Variants in RCOR3 observed in about 807,000 individuals in gnomAD.
RCOR3 encodes the protein REST corepressor 3.
Under a neutral mutation model 64.1 loss-of-function variants are expected in RCOR3, and 13 were observed. The ratio of observed to expected loss-of-function variants is 0.20; its 90% CI spans 0.13 to 0.32. The LOEUF is 0.32. RCOR3 is among the 10% of genes least tolerant of loss of function. RCOR3 has a pLI of 1.00. For synonymous variants in RCOR3, 215 were observed against 239.0 expected, an observed-to-expected ratio of 0.90 and a Z score of 0.93; for missense variants, 489 against 701.2, an observed-to-expected ratio of 0.70 and a Z score of 3.42.
At chr1:211,268,504 T>C (rs1695610531) in intron 2 of RCOR3, among the ~76,000 whole-genome samples, 1 of 151,492 alleles carries the variant, frequency 6.6e-6, no homozygotes, top group Non-Finnish European at 1.5e-5. Context: ...CTCAGCCTCT[T>C]GAGTAGCTGG....
chr1:211,312,729 A>G lies in RCOR3; in HGVS notation c.1085A>G (p.Lys362Arg), dbSNP rs1219206720. ...EQLLAVQGVR[K>R]YGKDFQAIAD... ...TTACTTTGCCTTCCAGGTGTCCGCA[A>G]ATATGGTAAAGATTTTCAAGCTATT... The change falls in exon 11 of 12, where the codon AAA becomes AGA. Residue 362 changes from lysine to arginine, a missense_variant. Lys to Arg is a conservative substitution (Grantham distance 26, BLOSUM62 2). Coordinates refer to ENST00000419091, the MANE Select transcript of RCOR3 (RefSeq NM_001136223.3). This position sits in a 1 kb window ranked among gnomAD's most constrained non-coding sequence, Gnocchi z 5.0. The G allele has an allele frequency of 1.2e-6, 2 of 1,613,892 alleles. No homozygotes were observed. The highest frequency in any genetic ancestry group is 1.7e-6 in the Non-Finnish European group (2 of 1,179,922).
chr1:211,289,775 T>TTCATCA (rs138528802), intron 8 of RCOR3, among the ~76,000 whole-genome samples: 1 of 151,958 alleles, frequency 6.6e-6, no homozygotes, highest in African/African-American at 2.4e-5. Context: ...GGTTGTTGTC[T>TTCATCA]TCATCATCAT....
At chr1:211,308,012 A>G (rs966844192) in intron 10 of RCOR3, among the ~76,000 whole-genome samples, 3 of 149,054 alleles carry the variant, frequency 2.0e-5, no homozygotes, top group African/African-American at 7.3e-5. Context: ...TTGTACTAAC[A>G]AAAAGATAGA....
intron 5 of RCOR3, among the ~76,000 whole-genome samples, 167 bp from the exon 6 acceptor site, chr1:211,277,950 A>G (rs903891699): frequency 1.3e-5 from 2 of 152,188 alleles, no homozygotes; most frequent in African/African-American, 2.4e-5. Context: ...TGTCAGTGAA[A>G]TTGATATGGG....
At position 211,262,920 on chromosome 1, in the gene RCOR3, G is replaced by T. The variant is rs372788910; in HGVS notation, c.223+2756G>T. On this transcript the variant is annotated intron_variant, in intron 2 of 11. Coordinates refer to ENST00000419091, the MANE Select transcript of RCOR3 (RefSeq NM_001136223.3). ...AAGTTTTAGGGTATATGTGCACAAT[G>T]TGCAGGTTAGTTACATATGTATACA... Among the ~76,000 whole-genome samples, 10 of 145,142 alleles carry T rather than the reference G, an allele frequency of 6.9e-5. No individual in the cohort carries two copies. The East Asian group carries it at 1.0e-3, about 15-fold the overall frequency.
chr1:211,313,658 A>T lies in RCOR3; in HGVS notation c.1552A>T (p.Asn518Tyr). The T allele has an allele frequency of 6.2e-7, 1 of 1,614,186 alleles. No individual in the cohort carries two copies. Among genetic ancestry groups the T allele is most frequent in the Middle Eastern group, 1.6e-4 (1 of 6,062 alleles). Residue 518 changes from asparagine (N) to tyrosine (Y), a missense_variant, in exon 12 of 12, where the codon AAT becomes TAT. Asn to Tyr is a moderately radical substitution (Grantham distance 143, BLOSUM62 -2). Around this residue, in one of 2 missense-constraint regions of RCOR3, gnomAD observed 402 missense variants for 617.0 expected, o/e 0.65. Coordinates refer to ENST00000419091, the MANE Select transcript of RCOR3 (RefSeq NM_001136223.3). This position sits in a 1 kb window ranked among gnomAD's most constrained non-coding sequence, Gnocchi z 4.7. ...TCCACCACCTCTTATTCGCCCTGCT[A>T]ATTCCATGCCACCCCGTCTAAACCC... ...QPPPPLIRPA[N>Y]SMPPRLNPRP... is the part of the protein sequence containing the mutation.
chr1:211,262,797 T>C (rs986107411), intron 2 of RCOR3, among the ~76,000 whole-genome samples: 9 of 151,028 alleles, frequency 6.0e-5, no homozygotes, highest in African/African-American at 1.7e-4. Context: ...CAGAATAATA[T>C]TAATGTGATT....
chr1:211,293,821 TA>T (rs1160906567), intron 8 of RCOR3, among the ~76,000 whole-genome samples: 1 of 152,204 alleles, frequency 6.6e-6, no homozygotes, highest in African/African-American at 2.4e-5. Context: ...AAATAGTTCA[TA>T]AATTATAAGT....
At chr1:211,269,969 A>G (rs1695881774) in intron 2 of RCOR3, among the ~76,000 whole-genome samples, 1 of 152,196 alleles carries the variant, frequency 6.6e-6, no homozygotes. Flanking sequence ...ATGTTTAAAA[A>G]GAAAGAAAGA....
chr1:211,263,840 A>G (rs966933057), intron 2 of RCOR3, among the ~76,000 whole-genome samples: 6 of 150,926 alleles, frequency 4.0e-5, no homozygotes, highest in African/African-American at 1.5e-4. Context: ...TGTTTTTTTT[A>G]GGCAGAGTCT....
At chr1:211,283,845 G>A (rs1444597609) in intron 7 of RCOR3, among the ~76,000 whole-genome samples, 3 of 148,760 alleles carry the variant, frequency 2.0e-5, no homozygotes, top group East Asian at 2.0e-4. Context: ...TTTCCACTGC[G>A]TATTTGTCTT....
Position 211,292,769 on chromosome 1 carries a change from A to G in RCOR3, c.940-2907A>G, listed in dbSNP as rs564517640. On this transcript the variant is annotated intron_variant, in intron 8 of 11. Transcript: ENST00000419091. The stretch of plus-strand genomic sequence containing the variant: ...TGACCAGTTAGCCTCAATTCCCCCT[A>G]ATTCTCCACAATCAGGTATTTACAA... Among the ~76,000 whole-genome samples, 6 of 152,074 alleles carry G rather than the reference A, an allele frequency of 3.9e-5. No individual in the cohort carries two copies. In the East Asian group the frequency reaches 1.2e-3, roughly 29 times the overall value.
At chr1:211,279,741 C>T (rs1697508936) in intron 7 of RCOR3, among the ~76,000 whole-genome samples, 1 of 152,130 alleles carries the variant, frequency 6.6e-6, no homozygotes, top group Non-Finnish European at 1.5e-5. Flanking sequence ...ATTTTCTCCC[C>T]CAAGTCTGCC....
chr1:211,260,985 T>A (rs1694160891), intron 2 of RCOR3: 1 of 152,242 alleles, frequency 6.6e-6, no homozygotes. Flanking sequence ...GAGTTCCGCA[T>A]ATGGAGGCGC....
intron 7 of RCOR3, among the ~76,000 whole-genome samples, chr1:211,282,091 G>A (rs1697890470): frequency 6.6e-6 from 1 of 152,108 alleles, no homozygotes; most frequent in Non-Finnish European, 1.5e-5. Context: ...GTATATATAT[G>A]GAATATATAG....
chr1:211,308,687 T>TTTTTTTTTTTTTTTTTG (rs1701159946), intron 10 of RCOR3, among the ~76,000 whole-genome samples: 1 of 64,802 alleles, frequency 1.5e-5, no homozygotes, highest in African/African-American at 5.1e-5. Flanking sequence ...TTTTTTTGTT[T>TTTTTTTTTTTTTTTTTG]TTTTTTTTTT....
At chr1:211,262,386 T>C (rs1301658569) in intron 2 of RCOR3, among the ~76,000 whole-genome samples, 1 of 152,194 alleles carries the variant, frequency 6.6e-6, no homozygotes, top group Non-Finnish European at 1.5e-5. Context: ...CATATGGCAA[T>C]TATTCTATAA....
intron 2 of RCOR3, among the ~76,000 whole-genome samples, chr1:211,261,785 G>T (rs1485260604): frequency 2.6e-5 from 4 of 151,586 alleles, no homozygotes; most frequent in Non-Finnish European, 4.4e-5. Context: ...GCCGATCGTG[G>T]TGGCACGCAC....
intron 2 of RCOR3, among the ~76,000 whole-genome samples, chr1:211,261,394 A>G (rs1440406861): frequency 6.6e-6 from 1 of 152,314 alleles, no homozygotes; most frequent in Non-Finnish European, 1.5e-5. Flanking sequence ...TAATAGGTGA[A>G]AACAGTGATG....
Sources: gnomAD v4.1 joint callset for allele counts (sites outside exome capture counted in the v4.1 genomes callset) on GRCh38, gnomAD v4.1.1 for gene constraint, gnomAD v4.1.1 regional missense constraint, Gnocchi (gnomAD v3.1) non-coding constraint, MANE v1.5 for transcripts, NCBI Gene and HGNC (gene_info 2026-07-23, HGNC 2026-07-21) for gene names.